Variants in UGCG observed in about 807,000 individuals in gnomAD.
UGCG encodes the protein UDP-glucose ceramide glucosyltransferase, also known as ceramide glucosyltransferase.
UGCG carries 10 observed loss-of-function variants against 49.5 expected under a neutral mutation model. The ratio of observed to expected loss-of-function variants is 0.20; its 90% CI spans 0.12 to 0.34. The LOEUF (loss-of-function observed/expected upper bound fraction) is 0.34, where lower values mean the gene tolerates loss of function less well. Among genes scored for constraint, UGCG ranks in the 10% least tolerant of loss-of-function variants. UGCG has a pLI of 1.00. For missense variants in UGCG, 312 were observed against 483.7 expected (o/e 0.65, Z 3.33); for synonymous variants, 182 against 158.2 (o/e 1.15, Z -1.13).
At chr9:111,925,437 A>G (rs972963792) in intron 4 of UGCG, among the ~76,000 whole-genome samples, 2 of 152,222 alleles carry the variant, frequency 1.3e-5, no homozygotes, top group Non-Finnish European at 2.9e-5. Flanking sequence ...TCTCAACCCC[A>G]ATACTGTTCA....
At position 111,912,009 on chromosome 9, in the gene UGCG, TAC is replaced by T. The variant is rs1343565722; in HGVS notation, c.99-2594_99-2593del. ...GGATACATATATATATTCAACAGGA[TAC>T]ATATATATATTCAACAGGATATATA... On this transcript the variant is annotated intron_variant, in intron 1 of 8. Coordinates refer to ENST00000374279, the MANE Select transcript of UGCG (RefSeq NM_003358.3). 7.2e-3 allele frequency among the ~76,000 whole-genome samples: 843 copies of T among 117,310 alleles called. 15 individuals carry two copies. Among genetic ancestry groups the T allele is most frequent in the African/African-American group, 0.023 (640 of 27,876 alleles). The allele number at this position is 117,310 out of a possible 152,430, so 77.0% of individuals were successfully genotyped here. A position where few individuals can be genotyped will look rare whatever the true frequency, so the allele number is the denominator to read the frequency against.
Position 111,929,545 on chromosome 9 carries a change from G to T in UGCG, c.604G>T (p.Val202Leu), listed in dbSNP as rs774361326. 69 of 1,613,898 alleles carry T rather than the reference G, an allele frequency of 4.3e-5. No homozygotes were observed. Among genetic ancestry groups the T allele is most frequent in the Non-Finnish European group, 5.6e-5 (66 of 1,179,994 alleles). Residue 202 changes from valine to leucine, a missense_variant, in exon 6 of 9, where the codon GTA (valine) becomes TTA (leucine). By Grantham distance (32) the Val-to-Leu change is conservative. Around this residue, in one of 4 missense-constraint regions of UGCG, gnomAD observed 180 missense variants for 320.4 expected, o/e 0.56. Coordinates refer to ENST00000374279, the MANE Select transcript of UGCG (RefSeq NM_003358.3). ...TCCAAGATACTATATCTCTGCCAAT[G>T]TAACTGGTTTCAAATGTGTGACAGG... ...SHPRYYISAN[V>L]TGFKCVTGMS...
chr9:111,920,804 T>C (rs1838207297), intron 2 of UGCG, among the ~76,000 whole-genome samples: 1 of 152,210 alleles, frequency 6.6e-6, no homozygotes, highest in Non-Finnish European at 1.5e-5. Context: ...TATAACAGAC[T>C]TTGTCGTTCT....
At position 111,928,432 on chromosome 9, in the gene UGCG, C is replaced by A. The variant is rs537468837; in HGVS notation, c.559-1068C>A. ...GTCAATAAACATCTCCCAGAATACA[C>A]CCATTGCCTTAGTGTAGGTTTAATC... On this transcript the variant is annotated intron_variant, in intron 5 of 8. Transcript: ENST00000374279. Among the ~76,000 whole-genome samples the A allele has an allele frequency of 4.6e-5, 7 of 152,286 alleles. No homozygotes were observed. The South Asian group carries it at 1.4e-3, about 32-fold the overall frequency.
chr9:111,905,460 T>TC (rs1287201873), intron 1 of UGCG, among the ~76,000 whole-genome samples: 1 of 100,436 alleles, frequency 1.0e-5, no homozygotes, highest in Non-Finnish European at 2.4e-5. Flanking sequence ...TGCATTACTC[T>TC]TTTTTTTTTT....
intron 1 of UGCG, among the ~76,000 whole-genome samples, chr9:111,903,717 T>C (rs1031640542): frequency 6.6e-6 from 1 of 151,570 alleles, no homozygotes; most frequent in Non-Finnish European, 1.5e-5. Flanking sequence ...TACCTCAGCC[T>C]CCTGGGTAGC....
chr9:111,929,502 A>G lies in UGCG; in HGVS notation c.561A>G (p.Val187=), dbSNP rs1332549689. ...RQGFAATLEQ[V]YFGTSHPRYY... ...CACGTTTGTGGTTTTTTGGGCAGGT[A>G]TATTTTGGAACTTCACATCCAAGAT... Residue 187 remains valine (V), a splice_region_variant and synonymous_variant, in exon 6 of 9, where the codon GTA becomes GTG. Transcript: ENST00000374279. 1.2e-6 allele frequency: 2 copies of G among 1,609,228 alleles called. No homozygotes were observed.
chr9:111,932,678 C>T (rs1004380009), intron 8 of UGCG, 149 bp from the exon 9 acceptor site: 18 of 695,994 alleles, frequency 2.6e-5, no homozygotes, highest in African/African-American at 7.3e-5. Flanking sequence ...TTTTCTTGAA[C>T]GGTATAACAT....
chr9:111,905,428 T>A (rs551666391), intron 1 of UGCG, among the ~76,000 whole-genome samples: 273 of 151,640 alleles, frequency 1.8e-3, no homozygotes, highest in African/African-American at 6.5e-3. Flanking sequence ...GCTTCTTTGA[T>A]CCCCACTTTT....
chr9:111,913,309 A>T (rs1838050121), intron 1 of UGCG, among the ~76,000 whole-genome samples: 1 of 152,232 alleles, frequency 6.6e-6, no homozygotes, highest in South Asian at 2.1e-4. Context: ...AGTACTTGTC[A>T]CATATTTACT....
intron 1 of UGCG, among the ~76,000 whole-genome samples, chr9:111,911,775 T>G (rs1054939136): frequency 6.6e-6 from 1 of 151,236 alleles, no homozygotes; most frequent in African/African-American, 2.4e-5. Context: ...GGAGTGTACC[T>G]GTTATCCTAG....
chr9:111,902,091 CTTTCTTT>C (rs1837785817), intron 1 of UGCG, among the ~76,000 whole-genome samples: 1 of 152,004 alleles, frequency 6.6e-6, no homozygotes, highest in Non-Finnish European at 1.5e-5. Flanking sequence ...TCTTTACTTT[CTTTCTTT>C]TTTCTTTCTC....
intron 1 of UGCG, among the ~76,000 whole-genome samples, chr9:111,913,014 G>A (rs371252548): frequency 2.0e-5 from 3 of 152,180 alleles, no homozygotes; most frequent in African/African-American, 7.2e-5. Flanking sequence ...TAAGTGGTCT[G>A]GGTGGTGGTA....
In UGCG at chr9:111,914,686, A is replaced by G; in HGVS notation, c.180A>G (p.Lys60=). 6.2e-7 allele frequency: 1 copy of G among 1,614,186 alleles called. No homozygotes were observed. The highest frequency in any genetic ancestry group is 8.5e-7 in the Non-Finnish European group (1 of 1,180,018). Residue 60 remains lysine, a synonymous_variant, in exon 2 of 9, where the codon AAA becomes AAG. Transcript: ENST00000374279. ...LPGVSLLKPL[K]GVDPNLINNL... The stretch of plus-strand genomic sequence containing the variant: ...GTGTCTCTCTTCTGAAACCACTGAA[A>G]GGGGTAGATCCTAACTTAATCAACA...
intron 6 of UGCG, 84 bp downstream of exon 6, chr9:111,929,762 CT>C: frequency 6.8e-7 from 1 of 1,473,174 alleles, no homozygotes; most frequent in Non-Finnish European, 9.2e-7. Context: ...TAGATTAGGG[CT>C]TTTTAATTTA....
Position 111,896,854 on chromosome 9 carries a change from C to G in UGCG, c.-362C>G, listed in dbSNP as rs1157660886. The G allele has an allele frequency of 6.5e-6, 1 of 153,258 alleles. No individual in the cohort carries two copies. The highest frequency in any genetic ancestry group is 2.4e-5 in the African/African-American group (1 of 41,382). The allele number at this position is 153,258 out of a possible 1,614,324, so 9.5% of individuals were successfully genotyped here. A position where few individuals can be genotyped will look rare whatever the true frequency, so the allele number is the denominator to read the frequency against. On this transcript the variant is annotated 5_prime_UTR_variant, in exon 1 of 9. Coordinates refer to ENST00000374279, the MANE Select transcript of UGCG (RefSeq NM_003358.3). ...GGCGGTGGAGCTGCTCGGCCGGGAG[C>G]CCGGCGGCGAGACGGAGAGGCGGCG...
intron 2 of UGCG, among the ~76,000 whole-genome samples, chr9:111,915,259 G>T (rs1838091959): frequency 6.6e-6 from 1 of 152,140 alleles, no homozygotes; most frequent in South Asian, 2.1e-4. Flanking sequence ...ATAGCTAATT[G>T]TATTGCTTAT....
chr9:111,919,974 A>G (rs1036194716), intron 2 of UGCG, among the ~76,000 whole-genome samples: 5 of 152,112 alleles, frequency 3.3e-5, no homozygotes, highest in Non-Finnish European at 5.9e-5. Flanking sequence ...TGGCTCAGCC[A>G]AATATTGTTT....
In UGCG at chr9:111,905,276, T is replaced by C. The variant is rs139472188; in HGVS notation, c.98+7963T>C. ...GCTCAGAGATAGCAGCAAGTACATA[T>C]GTAATCTACTGGACATTACCATTCT... On this transcript the variant is annotated intron_variant, in intron 1 of 8. Transcript: ENST00000374279. Among the ~76,000 whole-genome samples the C allele has an allele frequency of 2.6e-5, 4 of 152,302 alleles. No individual in the cohort carries two copies. The East Asian group carries it at 7.7e-4, about 29-fold the overall frequency.
Sources: gnomAD v4.1 joint callset for allele counts (sites outside exome capture counted in the v4.1 genomes callset) on GRCh38, gnomAD v4.1.1 for gene constraint, gnomAD v4.1.1 regional missense constraint, MANE v1.5 for transcripts, NCBI Gene and HGNC (gene_info 2026-07-23, HGNC 2026-07-21) for gene names.